The following DLG1 variants were observed in gnomAD, a reference collection of about 807,000 sequenced individuals.
DLG1 encodes the protein disks large homolog 1.
A neutral mutation model predicts 123.4 loss-of-function variants in DLG1; 42 were observed. The ratio of observed to expected loss-of-function variants is 0.34; its 90% CI spans 0.27 to 0.44. DLG1 has a LOEUF of 0.44. Ranked by LOEUF, DLG1 falls within the 20% of genes least tolerant of loss-of-function variation. DLG1 has a pLI of 1.00. For synonymous variants in DLG1, 317 were observed against 356.2 expected (o/e 0.89, Z 1.24); for missense variants, 942 against 1,082.6 (o/e 0.87, Z 1.82).
At chr3:197,148,581 GC>G (rs889029141) in intron 6 of DLG1, among the ~76,000 whole-genome samples, 5 of 152,196 alleles carry the variant, frequency 3.3e-5, no homozygotes, top group African/African-American at 1.2e-4. Flanking sequence ...ACCATTCAAT[GC>G]GGAAAGAATA....
intron 5 of DLG1, among the ~76,000 whole-genome samples, chr3:197,189,938 A>G (rs1718369155): frequency 6.6e-6 from 1 of 152,256 alleles, no homozygotes; most frequent in African/African-American, 2.4e-5. Flanking sequence ...ATGATAAAGG[A>G]CACTTTAATT....
chr3:197,073,990 C>T (rs1745699917), intron 18 of DLG1, among the ~76,000 whole-genome samples: 1 of 152,084 alleles, frequency 6.6e-6, no homozygotes, highest in East Asian at 1.9e-4. Context: ...AGTTTATTCC[C>T]TACATTCTTA....
At chr3:197,287,265 T>C (rs141952483) in intron 3 of DLG1, among the ~76,000 whole-genome samples, 1 of 152,302 alleles carries the variant, frequency 6.6e-6, no homozygotes, top group African/African-American at 2.4e-5. Flanking sequence ...AAAAAATCTA[T>C]TAATTTCTTA....
chr3:197,051,277 G>A (rs1002166663), intron 24 of DLG1, among the ~76,000 whole-genome samples: 3 of 148,668 alleles, frequency 2.0e-5, no homozygotes, highest in African/African-American at 7.5e-5. Context: ...GGAGGCTGAG[G>A]CAGGAGAATC....
chr3:197,282,473 A>G (rs1334612742), intron 4 of DLG1: 1 of 353,074 alleles, frequency 2.8e-6, no homozygotes, highest in Admixed American at 4.4e-5. Context: ...TCAAACATTC[A>G]TAACATTTTA....
At chr3:197,080,903 C>G in intron 17 of DLG1, 148 bp downstream of exon 17, 1 of 590,314 alleles carries the variant, frequency 1.7e-6, no homozygotes, top group Admixed American at 3.6e-5. Flanking sequence ...GAAATGGGTG[C>G]TTGAATTTAA....
chr3:197,263,630 T>C (rs1760465332), intron 4 of DLG1, among the ~76,000 whole-genome samples: 1 of 151,860 alleles, frequency 6.6e-6, no homozygotes, highest in African/African-American at 2.4e-5. Flanking sequence ...CTACTACAAA[T>C]ACAAAAATTA....
At chr3:197,230,135 A>C (rs967478470) in intron 4 of DLG1, among the ~76,000 whole-genome samples, 1 of 152,216 alleles carries the variant, frequency 6.6e-6, no homozygotes, top group Admixed American at 6.5e-5. Context: ...TTCAATTACT[A>C]ATCTGTTTAA....
intron 4 of DLG1, among the ~76,000 whole-genome samples, chr3:197,256,520 G>A (rs1359140888): frequency 6.6e-6 from 1 of 152,208 alleles, no homozygotes; most frequent in African/African-American, 2.4e-5. Context: ...TCAATCAGAG[G>A]TTTAAATTTG....
chr3:197,224,835 T>C (rs568962072), intron 4 of DLG1, among the ~76,000 whole-genome samples: 1 of 152,154 alleles, frequency 6.6e-6, no homozygotes, highest in South Asian at 2.1e-4. Context: ...GTTTCAGTCA[T>C]ACAAAAACTA....
chr3:197,111,940 T>C (rs1770265376), intron 13 of DLG1, among the ~76,000 whole-genome samples: 1 of 152,250 alleles, frequency 6.6e-6, no homozygotes, highest in Admixed American at 6.5e-5. Flanking sequence ...TAGATTATTA[T>C]GAATAAGGTT....
chr3:197,171,917 T>A (rs560237701), intron 5 of DLG1, among the ~76,000 whole-genome samples: 1 of 152,238 alleles, frequency 6.6e-6, no homozygotes, highest in African/African-American at 2.4e-5. Context: ...GGGCCCTTAA[T>A]GCTTCCCAGT....
chr3:197,107,103 A>G (rs1766915761), intron 13 of DLG1, among the ~76,000 whole-genome samples: 1 of 152,204 alleles, frequency 6.6e-6, no homozygotes, highest in African/African-American at 2.4e-5. Flanking sequence ...CCTATTCGGT[A>G]TATTTCAAAT....
At chr3:197,266,591 C>T (rs761965261) in intron 4 of DLG1, among the ~76,000 whole-genome samples, 8 of 151,726 alleles carry the variant, frequency 5.3e-5, no homozygotes, top group South Asian at 2.1e-4. Context: ...GCAGCCTGGG[C>T]GACGCAGCAA....
chr3:197,135,360 G>T (rs1052656468), intron 10 of DLG1, among the ~76,000 whole-genome samples: 1 of 152,172 alleles, frequency 6.6e-6, no homozygotes, highest in Non-Finnish European at 1.5e-5. Context: ...TCTCTTGATA[G>T]TGAGTGAGTC....
At chr3:197,115,122 C>T (rs957885297) in intron 13 of DLG1, among the ~76,000 whole-genome samples, 9 of 150,724 alleles carry the variant, frequency 6.0e-5, no homozygotes, top group East Asian at 3.9e-4. Context: ...CAAGATGGGA[C>T]GGTAAACAAA....
chr3:197,164,413 A>C (rs73086534), intron 5 of DLG1, among the ~76,000 whole-genome samples: 1 of 152,114 alleles, frequency 6.6e-6, no homozygotes, highest in South Asian at 2.1e-4. Flanking sequence ...CTCAAAAAAA[A>C]GTCTAAACTC....
intron 13 of DLG1, among the ~76,000 whole-genome samples, chr3:197,110,270 T>C (rs1769119132): frequency 6.6e-6 from 1 of 152,246 alleles, no homozygotes; most frequent in South Asian, 2.1e-4. Flanking sequence ...AGCTCAAATC[T>C]GCTGTTGACC....
chr3:197,241,262 A>G (rs1748707937), intron 4 of DLG1, among the ~76,000 whole-genome samples: 1 of 152,078 alleles, frequency 6.6e-6, no homozygotes, highest in Non-Finnish European at 1.5e-5. Flanking sequence ...GTGCTCAAAG[A>G]AAAAAACCAA....
Sources: allele counts gnomAD v4.1 joint callset (sites outside exome capture counted in the v4.1 genomes callset), GRCh38; gene constraint gnomAD v4.1.1; transcripts MANE v1.5; gene names NCBI Gene and HGNC (gene_info 2026-07-23, HGNC 2026-07-21).